The following SLC14A1 variants were observed in gnomAD, a reference collection of about 807,000 sequenced individuals.
The protein encoded by SLC14A1 is urea transporter 1.
A neutral mutation model predicts 39.6 loss-of-function variants in SLC14A1; 36 were observed. The ratio of observed to expected loss-of-function variants is 0.91; its 90% CI spans 0.70 to 1.20. SLC14A1 has a LOEUF of 1.20. Among genes scored for constraint, SLC14A1 ranks in the 50% most tolerant of loss-of-function variants. The pLI, the probability that SLC14A1 is intolerant of heterozygous loss-of-function variation, is 0.00. For synonymous variants in SLC14A1, 164 were observed against 173.6 expected, an observed-to-expected ratio of 0.94 and a Z score of 0.43; for missense variants, 469 against 478.7, an observed-to-expected ratio of 0.98 and a Z score of 0.19.
In SLC14A1 at chr18:45,750,814, T is replaced by C. The variant is rs1258265825; in HGVS notation, c.*863T>C. 2 of 984,986 alleles carry C rather than the reference T, an allele frequency of 2.0e-6. No homozygotes were observed. The highest frequency in any genetic ancestry group is 2.4e-6 in the Non-Finnish European group (2 of 829,638). The allele number at this position is 984,986 out of a possible 1,614,324, so 61.0% of individuals were successfully genotyped here. A position where few individuals can be genotyped will look rare whatever the true frequency, so the allele number is the denominator to read the frequency against. On this transcript the variant is annotated 3_prime_UTR_variant, in exon 10 of 10. Coordinates refer to ENST00000321925, the MANE Select transcript of SLC14A1 (RefSeq NM_015865.7). The stretch of plus-strand genomic sequence containing the variant: ...AGGCATTTTTACTTTAACCCCTAAA[T>C]TGATTTTGTAAATGCCACAAATGCA...
Position 45,731,022 on chromosome 18 carries a change from C to T in SLC14A1, c.159C>T (p.Pro53=), listed in dbSNP as rs202168702. ...KELANQLKDK[P]VVLQFIDWIL... The stretch of plus-strand genomic sequence containing the variant: ...TTACCTCATCCCTTCCAGACAAACC[C>T]GTGGTGCTCCAGTTCATTGACTGGA... Residue 53 remains proline (P), a synonymous_variant, in exon 4 of 10, where the codon CCC becomes CCT. Transcript: ENST00000321925. 1.4e-4 allele frequency: 226 copies of T among 1,614,104 alleles called. 2 individuals carry two copies. The South Asian group carries it at 2.1e-3, about 15-fold the overall frequency.
At chr18:45,745,613 C>T (rs2047524692) in intron 8 of SLC14A1, among the ~76,000 whole-genome samples, 1 of 152,174 alleles carries the variant, frequency 6.6e-6, no homozygotes, top group East Asian at 1.9e-4. Context: ...TCCTTGTGTA[C>T]TTTGTACAAG....
In SLC14A1 at chr18:45,731,195, G is replaced by T; in HGVS notation, c.332G>T (p.Ser111Ile). The T allele has an allele frequency of 6.2e-7, 1 of 1,613,596 alleles. No individual in the cohort carries two copies. Among genetic ancestry groups the T allele is most frequent in the Non-Finnish European group, 8.5e-7 (1 of 1,179,918 alleles). The change falls in exon 4 of 10, where the codon AGC (serine) becomes ATC (isoleucine). Residue 111 changes from serine (S) to isoleucine (I), a missense_variant. By Grantham distance (142) the Ser-to-Ile change is moderately radical. Coordinates refer to ENST00000321925, the MANE Select transcript of SLC14A1 (RefSeq NM_015865.7). The part of the protein sequence containing the change: ...VVSTLMALLL[S>I]QDRSLIASGL... Reference sequence around the variant, plus strand: ...TCCACTCTGATGGCCCTCTTGCTCAGCCAGGACAGGTAGGTGTACCCTTTC... The same window carrying T: ...TCCACTCTGATGGCCCTCTTGCTCATCCAGGACAGGTAGGTGTACCCTTTC...
intron 8 of SLC14A1, among the ~76,000 whole-genome samples, chr18:45,744,854 A>G (rs1486680014): frequency 6.6e-6 from 1 of 152,232 alleles, no homozygotes; most frequent in East Asian, 1.9e-4. Context: ...TCTTTTCCTG[A>G]GGCCCTTCAG....
intron 8 of SLC14A1, among the ~76,000 whole-genome samples, chr18:45,743,612 A>G (rs1376646250): frequency 6.6e-6 from 1 of 152,206 alleles, no homozygotes; most frequent in African/African-American, 2.4e-5. Context: ...TATTTAATTC[A>G]TACAGTTGTT....
chr18:45,734,312 C>A lies in SLC14A1; in HGVS notation c.380C>A (p.Thr127Asn). 3 of 1,613,978 alleles carry A rather than the reference C, an allele frequency of 1.9e-6. No individual in the cohort carries two copies. The highest frequency in any genetic ancestry group is 2.5e-6 in the Non-Finnish European group (3 of 1,179,950). ...IASGLYGYNATLVGVLMAVFS... is the reference protein window; with the variant it reads ...IASGLYGYNANLVGVLMAVFS... The stretch of plus-strand genomic sequence containing the variant: ...TCTGGGCTCTATGGCTACAATGCCA[C>A]CCTGGTGGGAGTACTCATGGCTGTC... The change falls in exon 5 of 10, where the codon ACC becomes AAC. Residue 127 changes from threonine (T) to asparagine (N), a missense_variant. Physicochemically the swap from Thr to Asn is moderately conservative, Grantham distance 65. Transcript: ENST00000321925.
chr18:45,734,123 G>A, intron 4 of SLC14A1, 151 bp from the exon 5 acceptor site: 1 of 952,822 alleles, frequency 1.0e-6, no homozygotes, highest in Non-Finnish European at 1.6e-6. Context: ...ATTAGTTTTT[G>A]TACGATGCTT....
intron 8 of SLC14A1, among the ~76,000 whole-genome samples, chr18:45,744,172 C>G (rs886526962): frequency 3.3e-5 from 5 of 152,124 alleles, no homozygotes; most frequent in Admixed American, 6.5e-5. Context: ...ACCACCATGC[C>G]CAGCTAATTT....
At position 45,752,422 on chromosome 18, in the gene SLC14A1, C is replaced by T. The variant is rs2047734827; in HGVS notation, c.*2471C>T. 4.9e-6 allele frequency: 1 copy of T among 203,182 alleles called. No individual in the cohort carries two copies. 12.6% of individuals were successfully genotyped at this position (203,182 alleles called of 1,614,324 possible). On this transcript the variant is annotated 3_prime_UTR_variant, in exon 10 of 10. Transcript: ENST00000321925. ...CTCAAGCTATTTTTGTTACTATTTT[C>T]CTAAAATTGAATATTTGCAGGGAGC...
chr18:45,747,736 A>C (rs1376671099), intron 8 of SLC14A1, among the ~76,000 whole-genome samples: 1 of 152,174 alleles, frequency 6.6e-6, no homozygotes, highest in African/African-American at 2.4e-5. Context: ...TTATTCATTG[A>C]TTTTAATGGT....
chr18:45,732,753 T>A (rs1470660552), intron 4 of SLC14A1, among the ~76,000 whole-genome samples: 1 of 152,174 alleles, frequency 6.6e-6, no homozygotes, highest in Non-Finnish European at 1.5e-5. Context: ...CATCCTTGAG[T>A]GACAGGCCCT....
chr18:45,730,264 C>T (rs1599253880), intron 2 of SLC14A1, 36 bp from the exon 3 acceptor site: 1 of 1,594,264 alleles, frequency 6.3e-7, no homozygotes, highest in Non-Finnish European at 8.6e-7. Flanking sequence ...AGGGCTCTGC[C>T]TTAGGGATAC....
intron 2 of SLC14A1, among the ~76,000 whole-genome samples, chr18:45,728,673 G>T (rs544641203): frequency 6.6e-6 from 1 of 152,134 alleles, no homozygotes; most frequent in Admixed American, 6.5e-5. Context: ...TATTCATACG[G>T]TTTTTTATCT....
At chr18:45,734,828 G>A (rs1017214418) in intron 5 of SLC14A1, among the ~76,000 whole-genome samples, 3 of 152,182 alleles carry the variant, frequency 2.0e-5, no homozygotes, top group African/African-American at 4.8e-5. Flanking sequence ...AGAGGAGCAG[G>A]AGGAGGACAA....
rs1200101372 is a variant in SLC14A1, at chr18:45,739,197, T to G, written c.698T>G (p.Ile233Ser). 1 of 1,614,070 alleles carries G rather than the reference T, an allele frequency of 6.2e-7. No individual in the cohort carries two copies. The highest frequency in any genetic ancestry group is 2.2e-5 in the East Asian group (1 of 44,900). Residue 233 changes from isoleucine (I) to serine (S), a missense_variant, in exon 7 of 10, where the codon ATC becomes AGC. Physicochemically the swap from Ile to Ser is moderately radical, Grantham distance 142. Transcript: ENST00000321925. ...LKSIPVGVGQIYGCDNPWTGG... is the reference protein window; with the variant it reads ...LKSIPVGVGQSYGCDNPWTGG... ...TCTATACCAGTGGGAGTTGGTCAGA[T>G]CTATGGCTGTGATAATCCATGGACA...
Position 45,731,169 on chromosome 18 carries a change from CT to C in SLC14A1, c.307del (p.Ser103ProfsTer3). 1 of 1,613,996 alleles carries C rather than the reference CT, an allele frequency of 6.2e-7. No individual in the cohort carries two copies. Among genetic ancestry groups the C allele is most frequent in the South Asian group, 1.1e-5 (1 of 91,058 alleles). On this transcript the variant is annotated frameshift_variant, in exon 4 of 10. Transcript: ENST00000321925. LOFTEE classifies it high-confidence loss of function. ...ALTGWLGTVV[S>X]TLMALLLSQD... Reference sequence around the variant, plus strand: ...TCACTGGCTGGCTGGGAACAGTGGTCTCCACTCTGATGGCCCTCTTGCTCAG... The same window carrying C: ...TCACTGGCTGGCTGGGAACAGTGGTCCCACTCTGATGGCCCTCTTGCTCAG...
At chr18:45,727,283 G>C (rs1350555069) in intron 2 of SLC14A1, 20 of 1,551,710 alleles carry the variant, frequency 1.3e-5, no homozygotes, top group Non-Finnish European at 1.7e-5. Flanking sequence ...TGAATGGACG[G>C]TCTTTGATTG....
chr18:45,749,813 G>T lies in SLC14A1; in HGVS notation c.1032G>T (p.Leu344Phe). The T allele has an allele frequency of 6.2e-7, 1 of 1,614,104 alleles. No homozygotes were observed. The highest frequency in any genetic ancestry group is 8.5e-7 in the Non-Finnish European group (1 of 1,180,022). The change falls in exon 10 of 10, where the codon TTG becomes TTT. Residue 344 changes from leucine (L) to phenylalanine (F), a missense_variant. By Grantham distance (22) the Leu-to-Phe change is conservative. Transcript: ENST00000321925. Reference sequence around the variant, plus strand: ...CAGCTTGTACCTGGCCCTTCTGTTTGGCCACGCTATTGTTCCTCATCATGA... The same window carrying T: ...CAGCTTGTACCTGGCCCTTCTGTTTTGCCACGCTATTGTTCCTCATCATGA... Reference protein sequence around the residue: ...GLPACTWPFCLATLLFLIMTT... With the variant: ...GLPACTWPFCFATLLFLIMTT...
At chr18:45,726,213 G>A (rs1000859477) in intron 2 of SLC14A1, among the ~76,000 whole-genome samples, 1 of 152,182 alleles carries the variant, frequency 6.6e-6, no homozygotes, top group Non-Finnish European at 1.5e-5. Flanking sequence ...ATTTTTACCT[G>A]AGACATGTCA....
Sources: allele counts gnomAD v4.1 joint callset (sites outside exome capture counted in the v4.1 genomes callset), GRCh38; gene constraint gnomAD v4.1.1; transcripts MANE v1.5; gene names NCBI Gene and HGNC (gene_info 2026-07-23, HGNC 2026-07-21).